The following DAB2IP variants were observed in gnomAD, a reference collection of about 807,000 sequenced individuals.
The protein encoded by DAB2IP is DAB2 interacting protein, also known as disabled homolog 2-interacting protein.
In DAB2IP, 28 loss-of-function variants were observed where a neutral mutation model predicts 107.2. That is an observed-to-expected ratio of 0.26 (90% CI 0.19 to 0.36). The LOEUF (loss-of-function observed/expected upper bound fraction) is 0.36, where lower values mean the gene tolerates loss of function less well. Ranked by LOEUF, DAB2IP falls within the 10% of genes least tolerant of loss-of-function variation. DAB2IP has a pLI of 1.00. For synonymous variants in DAB2IP, 755 were observed against 706.4 expected, an observed-to-expected ratio of 1.07 and a Z score of -1.09; for missense variants, 1,400 against 1,644.7, an observed-to-expected ratio of 0.85 and a Z score of 2.57.
chr9:121,689,969 G>C (rs1010389370), intron 2 of DAB2IP, among the ~76,000 whole-genome samples: 6 of 152,218 alleles, frequency 3.9e-5, no homozygotes, highest in African/African-American at 1.4e-4. Flanking sequence ...GTTGAACCCA[G>C]CTCTGCCGCT....
chr9:121,723,301 C>A (rs1831046609), intron 3 of DAB2IP, among the ~76,000 whole-genome samples: 1 of 152,234 alleles, frequency 6.6e-6, no homozygotes, highest in Non-Finnish European at 1.5e-5. Flanking sequence ...AGGGCTCCCC[C>A]AAGGGATCCT....
At chr9:121,749,905 A>G (rs1832983533) in intron 3 of DAB2IP, among the ~76,000 whole-genome samples, 1 of 152,232 alleles carries the variant, frequency 6.6e-6, no homozygotes, top group Non-Finnish European at 1.5e-5. Context: ...GACCTATCCC[A>G]GAAATGTCAG....
chr9:121,707,555 T>G (rs1830122059), intron 3 of DAB2IP, among the ~76,000 whole-genome samples: 1 of 152,190 alleles, frequency 6.6e-6, no homozygotes, highest in Non-Finnish European at 1.5e-5. Context: ...AGGGCCCTTG[T>G]TTTCAGGCTG....
At chr9:121,708,975 G>A (rs1480073036) in intron 3 of DAB2IP, among the ~76,000 whole-genome samples, 1 of 152,318 alleles carries the variant, frequency 6.6e-6, no homozygotes, top group East Asian at 1.9e-4. Flanking sequence ...ATCTGCGCCT[G>A]TGAGGTGGGC....
intron 1 of DAB2IP, among the ~76,000 whole-genome samples, chr9:121,627,427 T>C (rs1831699627): frequency 6.6e-6 from 1 of 152,092 alleles, no homozygotes; most frequent in African/African-American, 2.4e-5. Flanking sequence ...ATAAACATCC[T>C]TGTACATCTG....
intron 15 of DAB2IP, 107 bp downstream of exon 15, chr9:121,781,658 G>A (rs1239883639): frequency 1.7e-6 from 2 of 1,146,798 alleles, no homozygotes; most frequent in Admixed American, 2.0e-5. Context: ...GACACTGAGG[G>A]GAATAAGAAA....
chr9:121,570,787 A>G (rs1284926085), intron 1 of DAB2IP, among the ~76,000 whole-genome samples: 2 of 151,132 alleles, frequency 1.3e-5, no homozygotes, highest in Admixed American at 6.6e-5. Flanking sequence ...GGCTCTCTCA[A>G]TCTGCCCGCC....
chr9:121,656,157 C>G lies in DAB2IP; in HGVS notation c.124+4258C>G, dbSNP rs533854714. Among the ~76,000 whole-genome samples, 17 of 152,224 alleles carry G rather than the reference C, an allele frequency of 1.1e-4. No homozygotes were observed. The East Asian group carries it at 3.3e-3, about 29-fold the overall frequency. Reference sequence around the variant, plus strand: ...CCGAGTAGCTGGGATTACAGGCATGCACCACCACACCCGGCTAATTTTGTA... The same window carrying G: ...CCGAGTAGCTGGGATTACAGGCATGGACCACCACACCCGGCTAATTTTGTA... On this transcript the variant is annotated intron_variant, in intron 1 of 15. Transcript: ENST00000408936.
chr9:121,604,953 A>G (rs1051456983), intron 1 of DAB2IP, among the ~76,000 whole-genome samples: 7 of 152,232 alleles, frequency 4.6e-5, no homozygotes, highest in African/African-American at 1.7e-4. Context: ...GGCTCTAGCA[A>G]GGGACAGAAG....
intron 3 of DAB2IP, among the ~76,000 whole-genome samples, chr9:121,730,916 C>T (rs1264254563): frequency 6.6e-6 from 1 of 152,206 alleles, no homozygotes; most frequent in Non-Finnish European, 1.5e-5. Flanking sequence ...GAAGTGTGCA[C>T]CATGTGCCAG....
intron 10 of DAB2IP, 91 bp from the exon 11 acceptor site, chr9:121,770,455 G>A (rs529391303): frequency 3.7e-5 from 53 of 1,424,452 alleles, no homozygotes; most frequent in African/African-American, 3.7e-4. Context: ...GACAGGCTCC[G>A]CAGTGGTTTT....
At chr9:121,657,455 A>C in intron 1 of DAB2IP, among the ~76,000 whole-genome samples, 1 of 152,194 alleles carries the variant, frequency 6.6e-6, no homozygotes, top group South Asian at 2.1e-4. Context: ...CCCCATGCCA[A>C]GAGCTCCCCC....
chr9:121,654,407 C>T (rs1355227807), intron 1 of DAB2IP, among the ~76,000 whole-genome samples: 3 of 152,068 alleles, frequency 2.0e-5, no homozygotes, highest in Non-Finnish European at 2.9e-5. Context: ...GCCTGGGCAA[C>T]ATAGCAAGAC....
intron 3 of DAB2IP, chr9:121,737,213 A>G (rs1263631933): frequency 2.1e-6 from 2 of 974,966 alleles, no homozygotes; most frequent in Non-Finnish European, 2.4e-6. Flanking sequence ...GAGGCCCCAG[A>G]GGGCGACTTG....
At chr9:121,680,903 C>T (rs1828562664) in intron 2 of DAB2IP, among the ~76,000 whole-genome samples, 2 of 151,986 alleles carry the variant, frequency 1.3e-5, no homozygotes, top group Admixed American at 1.3e-4. Context: ...CCACCACCCC[C>T]AGCTATTTTT....
chr9:121,664,812 G>T (rs1164061205), intron 1 of DAB2IP, among the ~76,000 whole-genome samples: 1 of 152,188 alleles, frequency 6.6e-6, no homozygotes, highest in Non-Finnish European at 1.5e-5. Flanking sequence ...TAACTTCCTA[G>T]TGCTATTGTA....
At chr9:121,637,689 A>C (rs1832138120) in intron 1 of DAB2IP, among the ~76,000 whole-genome samples, 1 of 152,216 alleles carries the variant, frequency 6.6e-6, no homozygotes, top group Admixed American at 6.5e-5. Context: ...CCTGCCCCCG[A>C]ATTGCAGCCA....
At chr9:121,716,696 C>T (rs1272800957) in intron 3 of DAB2IP, among the ~76,000 whole-genome samples, 1 of 152,156 alleles carries the variant, frequency 6.6e-6, no homozygotes, top group Non-Finnish European at 1.5e-5. Flanking sequence ...TGCTCTTGCT[C>T]CTGCCTCCTT....
intron 4 of DAB2IP, among the ~76,000 whole-genome samples, chr9:121,758,683 C>T (rs988164903): frequency 2.6e-5 from 4 of 152,268 alleles, no homozygotes; most frequent in East Asian, 3.9e-4. Context: ...GGCCACTCTC[C>T]GGCTGCTGAC....
Sources: allele counts gnomAD v4.1 joint callset (sites outside exome capture counted in the v4.1 genomes callset), GRCh38; gene constraint gnomAD v4.1.1; transcripts MANE v1.5; gene names NCBI Gene and HGNC (gene_info 2026-07-23, HGNC 2026-07-21).